The following CUL1 variants were observed in gnomAD, a reference collection of about 807,000 sequenced individuals.
CUL1 encodes the protein cullin-1.
Under a neutral mutation model 118.0 loss-of-function variants are expected in CUL1, and 24 were observed. The ratio of observed to expected loss-of-function variants is 0.20; its 90% CI spans 0.15 to 0.29. The LOEUF is 0.29. Ranked by LOEUF, CUL1 falls within the 10% of genes least tolerant of loss-of-function variation. The probability of loss-of-function intolerance (pLI) is 1.00; values close to 1 mark genes in which losing one functional copy is unlikely to be tolerated. For synonymous variants in CUL1, 332 were observed against 340.4 expected (o/e 0.98, Z 0.27); for missense variants, 361 against 933.8 (o/e 0.39, Z 7.99).
At chr7:148,755,076 G>A (rs974082133) in intron 3 of CUL1, among the ~76,000 whole-genome samples, 2 of 152,248 alleles carry the variant, frequency 1.3e-5, no homozygotes, top group Non-Finnish European at 2.9e-5. Flanking sequence ...CAAAACTGCT[G>A]TGAAATTGTG....
intron 1 of CUL1, among the ~76,000 whole-genome samples, chr7:148,714,359 T>C (rs895321006): frequency 5.3e-5 from 8 of 152,354 alleles, no homozygotes; most frequent in Admixed American, 3.3e-4. Context: ...GTTTTGCTTT[T>C]AAGCAATTTT....
intron 20 of CUL1, among the ~76,000 whole-genome samples, chr7:148,798,910 A>G (rs1283665447): frequency 6.6e-6 from 1 of 152,150 alleles, no homozygotes; most frequent in African/African-American, 2.4e-5. Flanking sequence ...GAAAGCAAAC[A>G]TTGTGGCAGG....
At chr7:148,771,185 C>G (rs1406828858) in intron 9 of CUL1, among the ~76,000 whole-genome samples, 1 of 152,030 alleles carries the variant, frequency 6.6e-6, no homozygotes, top group African/African-American at 2.4e-5. Context: ...GAAATAAACT[C>G]CTTTGAGAGG....
At chr7:148,755,872 C>T (rs939358238) in intron 3 of CUL1, among the ~76,000 whole-genome samples, 3 of 152,174 alleles carry the variant, frequency 2.0e-5, no homozygotes, top group Non-Finnish European at 4.4e-5. Context: ...AGCTTCCAGT[C>T]TGTTGTAGCC....
At chr7:148,730,354 C>A in intron 2 of CUL1, 92 bp downstream of exon 2, 1 of 1,334,042 alleles carries the variant, frequency 7.5e-7, no homozygotes, top group Non-Finnish European at 1.0e-6. Flanking sequence ...ATTGTTTTCT[C>A]CTCCCAGTTC....
chr7:148,786,534 C>G lies in CUL1; in HGVS notation c.1299-17C>G. 1.2e-6 allele frequency: 2 copies of G among 1,605,474 alleles called. No homozygotes were observed. The highest frequency in any genetic ancestry group is 1.7e-6 in the Non-Finnish European group (2 of 1,173,082). On this transcript the variant is annotated splice_polypyrimidine_tract_variant and intron_variant, in intron 11 of 21. Transcript: ENST00000325222. ...GTACTGATGTTTTAAAACATGGTATCTTTTTAAAATTTTCAGTTCCAAGAA... is the reference window on the plus strand; with the variant it reads ...GTACTGATGTTTTAAAACATGGTATGTTTTTAAAATTTTCAGTTCCAAGAA...
chr7:148,704,543 C>T (rs1563144637), intron 1 of CUL1, among the ~76,000 whole-genome samples: 1 of 151,850 alleles, frequency 6.6e-6, no homozygotes, highest in Non-Finnish European at 1.5e-5. Flanking sequence ...TAACTAATAC[C>T]CTCTTAAGCA....
At chr7:148,739,165 A>G (rs543628196) in intron 2 of CUL1, among the ~76,000 whole-genome samples, 14 of 152,306 alleles carry the variant, frequency 9.2e-5, no homozygotes, top group African/African-American at 3.1e-4. Flanking sequence ...AATTATCCCA[A>G]TAGCGCTTTT....
chr7:148,702,763 G>A (rs936730088), intron 1 of CUL1, among the ~76,000 whole-genome samples: 3 of 152,132 alleles, frequency 2.0e-5, no homozygotes, highest in African/African-American at 7.2e-5. Context: ...GCCTTCTCTG[G>A]GTTCCCATGT....
At chr7:148,738,870 T>C (rs1426546591) in intron 2 of CUL1, among the ~76,000 whole-genome samples, 6 of 152,206 alleles carry the variant, frequency 3.9e-5, no homozygotes, top group Admixed American at 1.3e-4. Flanking sequence ...TTAGTCATAG[T>C]TCGTTTTTCT....
chr7:148,728,775 GACTTACTCCTTA>G (rs1366747754), intron 1 of CUL1, among the ~76,000 whole-genome samples: 31 of 152,352 alleles, frequency 2.0e-4, no homozygotes, highest in African/African-American at 7.2e-4. Flanking sequence ...CAGTGGTTCA[GACTTACTCCTTA>G]AGCATGACCT....
At position 148,800,187 on chromosome 7, in the gene CUL1, G is replaced by A. The variant is rs138520135; in HGVS notation, c.2251-315G>A. On this transcript the variant is annotated intron_variant, in intron 21 of 21. Transcript: ENST00000325222. The surrounding 1 kb of genome is among the most constrained non-coding windows in gnomAD (Gnocchi z 4.6). ...TCTTCTTGTGAGACTGAGTCCTGCCGCAGAGGCAGGCAGATTTTGGTGGTA... is the reference window on the plus strand; with the variant it reads ...TCTTCTTGTGAGACTGAGTCCTGCCACAGAGGCAGGCAGATTTTGGTGGTA... Among the ~76,000 whole-genome samples the A allele has an allele frequency of 0.01, 1,523 of 152,266 alleles. 13 individuals are homozygous for A. Among genetic ancestry groups the A allele is most frequent in the Non-Finnish European group, 0.016 (1,092 of 68,008 alleles).
rs142906551 is a variant in CUL1, at chr7:148,790,353, G to A, written c.1718G>A (p.Arg573His). The part of the protein sequence containing the change: ...YQRFTAFYAS[R>H]HSGRKLTWLY... Reference sequence around the variant, plus strand: ...CGATTCACAGCTTTCTACGCCAGCCGCCACAGTGGCCGAAAATTGACGTGG... The same window carrying A: ...CGATTCACAGCTTTCTACGCCAGCCACCACAGTGGCCGAAAATTGACGTGG... Residue 573 changes from arginine to histidine, a missense_variant, in exon 16 of 22, where the codon CGC becomes CAC. By Grantham distance (29) the Arg-to-His change is conservative. Around this residue, in one of 7 missense-constraint regions of CUL1, gnomAD observed 84 missense variants for 203.3 expected, o/e 0.41. Coordinates refer to ENST00000325222, the MANE Select transcript of CUL1 (RefSeq NM_003592.3). 1.6e-5 allele frequency: 26 copies of A among 1,614,102 alleles called. No individual in the cohort carries two copies. The Admixed American group carries it at 3.3e-4, about 21-fold the overall frequency.
In CUL1 at chr7:148,800,396, C is replaced by G. The variant is rs1801347537; in HGVS notation, c.2251-106C>G. The G allele has an allele frequency of 1.1e-6, 1 of 874,584 alleles. No individual in the cohort carries two copies. Among genetic ancestry groups the G allele is most frequent in the Non-Finnish European group, 1.9e-6 (1 of 539,840 alleles). 54.2% of individuals were successfully genotyped at this position (874,584 alleles called of 1,614,324 possible). A position where few individuals can be genotyped will look rare whatever the true frequency, so the allele number is the denominator to read the frequency against. ...CGGGGACACTGCTCCCCACTGAGCT[C>G]CGAATCAGGGGAGATTTGTGGTGGG... On this transcript the variant is annotated intron_variant, in intron 21 of 21. Coordinates refer to ENST00000325222, the MANE Select transcript of CUL1 (RefSeq NM_003592.3). The surrounding 1 kb of genome is among the most constrained non-coding windows in gnomAD (Gnocchi z 4.6).
chr7:148,787,115 T>C lies in CUL1; in HGVS notation c.1474T>C (p.Leu492=), dbSNP rs997644040. The change falls in exon 13 of 22, where the codon TTA becomes CTA. Residue 492 remains leucine (L), a synonymous_variant. Transcript: ENST00000325222. This position sits in a 1 kb window ranked among gnomAD's most constrained non-coding sequence, Gnocchi z 5.5. ...TGCCGAAGCCAGCATGATCTCCAAG[T>C]TAAAGGTGAGTTTCATCTTTTCCTG... ...DDAEASMISK[L]KQACGFEYTS... 6.2e-7 allele frequency: 1 copy of C among 1,613,492 alleles called. No homozygotes were observed. The highest frequency in any genetic ancestry group is 8.5e-7 in the Non-Finnish European group (1 of 1,179,678).
intron 2 of CUL1, among the ~76,000 whole-genome samples, chr7:148,744,473 A>T (rs1563156763): frequency 2.6e-5 from 4 of 151,668 alleles, no homozygotes; most frequent in African/African-American, 7.3e-5. Context: ...TGCTCTAAGG[A>T]TATAATACAC....
chr7:148,722,602 A>G (rs990492562), intron 1 of CUL1, among the ~76,000 whole-genome samples: 1 of 152,220 alleles, frequency 6.6e-6, no homozygotes, highest in African/African-American at 2.4e-5. Flanking sequence ...TCCTCTCTGC[A>G]CTAGCCATTT....
intron 2 of CUL1, among the ~76,000 whole-genome samples, chr7:148,750,590 G>A (rs148959935): frequency 9.5e-4 from 145 of 152,148 alleles, no homozygotes; most frequent in African/African-American, 3.4e-3. Context: ...CAGAATGATG[G>A]TTTCCAGCTT....
intron 9 of CUL1, among the ~76,000 whole-genome samples, chr7:148,779,208 G>T (rs1436517443): frequency 1.3e-5 from 2 of 152,216 alleles, no homozygotes; most frequent in South Asian, 2.1e-4. Context: ...TCGCAATTCA[G>T]TTGTGATTAT....
Sources: gnomAD v4.1 joint callset for allele counts (sites outside exome capture counted in the v4.1 genomes callset) on GRCh38, gnomAD v4.1.1 for gene constraint, gnomAD v4.1.1 regional missense constraint, Gnocchi (gnomAD v3.1) non-coding constraint, MANE v1.5 for transcripts, NCBI Gene and HGNC (gene_info 2026-07-23, HGNC 2026-07-21) for gene names.